Variants in NLGN1 observed in about 807,000 individuals in gnomAD.
The protein encoded by NLGN1 is neuroligin-1.
NLGN1 carries 12 observed loss-of-function variants against 65.5 expected under a neutral mutation model. The ratio of observed to expected loss-of-function variants is 0.18; its 90% CI spans 0.12 to 0.30. The LOEUF is 0.30. Among genes scored for constraint, NLGN1 ranks in the 10% least tolerant of loss-of-function variants. The pLI, the probability that NLGN1 is intolerant of heterozygous loss-of-function variation, is 1.00. For synonymous variants in NLGN1, 350 were observed against 359.5 expected (o/e 0.97, Z 0.30); for missense variants, 750 against 1,007.1 (o/e 0.74, Z 3.46).
At chr3:174,154,372 C>T (rs1373489022) in intron 4 of NLGN1, among the ~76,000 whole-genome samples, 1 of 151,796 alleles carries the variant, frequency 6.6e-6, no homozygotes, top group Non-Finnish European at 1.5e-5. Flanking sequence ...ACAATATTTC[C>T]CATTTAATCT....
chr3:173,667,181 ATT>A (rs1560132292), intron 3 of NLGN1, among the ~76,000 whole-genome samples: 2 of 151,586 alleles, frequency 1.3e-5, no homozygotes, highest in South Asian at 2.1e-4. Context: ...TTTGTTGGGC[ATT>A]TAGGTTATTT....
chr3:173,525,966 G>A (rs2149160040), intron 2 of NLGN1, among the ~76,000 whole-genome samples: 1 of 152,190 alleles, frequency 6.6e-6, no homozygotes, highest in African/African-American at 2.4e-5. Flanking sequence ...CAAGAAAATA[G>A]TTGATATGAT....
At chr3:174,157,542 C>A (rs1161343844) in intron 4 of NLGN1, among the ~76,000 whole-genome samples, 1 of 151,484 alleles carries the variant, frequency 6.6e-6, no homozygotes, top group Non-Finnish European at 1.5e-5. Context: ...CCCCCCTCCA[C>A]CCAAAAAGAC....
At chr3:173,690,136 C>T (rs1765255262) in intron 3 of NLGN1, among the ~76,000 whole-genome samples, 1 of 152,014 alleles carries the variant, frequency 6.6e-6, no homozygotes, top group African/African-American at 2.4e-5. Flanking sequence ...CTGAGTGAGC[C>T]CATTTTATAG....
intron 3 of NLGN1, among the ~76,000 whole-genome samples, chr3:173,747,348 TAA>T (rs1491320108): frequency 9.4e-6 from 1 of 105,982 alleles, no homozygotes; most frequent in African/African-American, 3.7e-5. Flanking sequence ...ATATGTATTT[TAA>T]TATATATACT....
intron 4 of NLGN1, among the ~76,000 whole-genome samples, chr3:174,170,918 G>A (rs1235651100): frequency 6.6e-6 from 1 of 152,024 alleles, no homozygotes; most frequent in East Asian, 1.9e-4. Context: ...CAGAATTATC[G>A]CTGAACTTGA....
At chr3:173,816,191 A>G (rs1466850517) in intron 4 of NLGN1, among the ~76,000 whole-genome samples, 1 of 151,830 alleles carries the variant, frequency 6.6e-6, no homozygotes, top group Non-Finnish European at 1.5e-5. Context: ...TAACCTAATA[A>G]TCATTGCAAC....
intron 2 of NLGN1, among the ~76,000 whole-genome samples, chr3:173,487,891 G>A (rs557817069): frequency 1.1e-3 from 167 of 151,924 alleles, no homozygotes; most frequent in African/African-American, 3.8e-3. Context: ...TGCATTTTAA[G>A]TTTCTGTCTC....
At chr3:174,229,331 A>G (rs944338163) in intron 4 of NLGN1, among the ~76,000 whole-genome samples, 4 of 152,242 alleles carry the variant, frequency 2.6e-5, no homozygotes, top group Middle Eastern at 3.4e-3. Flanking sequence ...AAAATGTGCA[A>G]TCTCAGTTTC....
At chr3:173,489,287 A>G (rs1308994411) in intron 2 of NLGN1, among the ~76,000 whole-genome samples, 1 of 146,996 alleles carries the variant, frequency 6.8e-6, no homozygotes, top group East Asian at 2.0e-4. Context: ...TCCTGTGTCC[A>G]AGTGTTCTCA....
At chr3:173,617,550 G>A (rs529154492) in intron 3 of NLGN1, among the ~76,000 whole-genome samples, 5 of 152,238 alleles carry the variant, frequency 3.3e-5, no homozygotes, top group Non-Finnish European at 7.4e-5. Context: ...TGTTTATGGC[G>A]CAGTGCTCCC....
chr3:173,962,057 C>G (rs886563261), intron 4 of NLGN1, among the ~76,000 whole-genome samples: 1 of 152,014 alleles, frequency 6.6e-6, no homozygotes, highest in South Asian at 2.1e-4. Context: ...CTTTTTACTT[C>G]ATGGACCTTT....
intron 4 of NLGN1, among the ~76,000 whole-genome samples, chr3:173,810,253 A>G (rs1449214422): frequency 1.3e-5 from 2 of 152,238 alleles, no homozygotes; most frequent in Admixed American, 1.3e-4. Flanking sequence ...TCAACAGCTC[A>G]TCGGACAGAA....
intron 4 of NLGN1, among the ~76,000 whole-genome samples, chr3:173,918,919 A>G (rs544314508): frequency 4.6e-5 from 7 of 152,098 alleles, no homozygotes; most frequent in South Asian, 2.1e-4. Flanking sequence ...TGCCTTTTCT[A>G]TCTTCTAGGG....
chr3:173,536,465 A>G (rs913970023), intron 2 of NLGN1, among the ~76,000 whole-genome samples: 4 of 152,224 alleles, frequency 2.6e-5, no homozygotes, highest in African/African-American at 9.6e-5. Flanking sequence ...AAATAGTAAG[A>G]TATTAAGGCA....
intron 2 of NLGN1, among the ~76,000 whole-genome samples, chr3:173,446,841 T>G (rs1560265323): frequency 6.6e-6 from 1 of 152,268 alleles, no homozygotes; most frequent in Non-Finnish European, 1.5e-5. Flanking sequence ...TTCATGTGTT[T>G]TTTGGCTGCA....
chr3:173,875,954 T>C (rs1326658487), intron 4 of NLGN1, among the ~76,000 whole-genome samples: 1 of 151,886 alleles, frequency 6.6e-6, no homozygotes, highest in Non-Finnish European at 1.5e-5. Context: ...CAGGCTGGGG[T>C]AGATAAGAGT....
rs1046631567 is a variant in NLGN1, at chr3:173,853,934, G to T, written c.646+46102G>T. Among the ~76,000 whole-genome samples, 6 of 151,898 alleles carry T rather than the reference G, an allele frequency of 4.0e-5. No homozygotes were observed. In the South Asian group the frequency reaches 1.2e-3, roughly 32 times the overall value. On this transcript the variant is annotated intron_variant, in intron 4 of 6. Transcript: ENST00000457714. ...ATTTATATACATTTGATAGTGATCA[G>T]TCTTGTTTTATGCAATTGATATATT...
At chr3:173,850,430 T>A (rs963497263) in intron 4 of NLGN1, among the ~76,000 whole-genome samples, 2 of 152,204 alleles carry the variant, frequency 1.3e-5, no homozygotes, top group African/African-American at 2.4e-5. Flanking sequence ...ATTTCTGGGT[T>A]ATGCTTATAT....
Sources: gnomAD v4.1 joint callset for allele counts (sites outside exome capture counted in the v4.1 genomes callset) on GRCh38, gnomAD v4.1.1 for gene constraint, MANE v1.5 for transcripts, NCBI Gene and HGNC (gene_info 2026-07-23, HGNC 2026-07-21) for gene names.